Variants in PVT1 observed in about 807,000 individuals in gnomAD.
The protein encoded by PVT1 is Pvt1 oncogene, also known as CXCR4/PVT1 fusion.
chr8:127,823,535 A>G (rs1327371314), intron 2 of PVT1, among the ~76,000 whole-genome samples: 1 of 152,212 alleles, frequency 6.6e-6, no homozygotes, highest in Non-Finnish European at 1.5e-5. Flanking sequence ...AATCAGGGAC[A>G]GGTCAGTACC....
intron 4 of PVT1, among the ~76,000 whole-genome samples, chr8:128,054,604 G>T (rs1295751584): frequency 6.6e-6 from 1 of 152,188 alleles, no homozygotes; most frequent in Non-Finnish European, 1.5e-5. Context: ...TGTCTTCTGG[G>T]CTCATTCCTT....
At chr8:127,962,167 A>G (rs1423270856) in intron 3 of PVT1, among the ~76,000 whole-genome samples, 2 of 152,134 alleles carry the variant, frequency 1.3e-5, no homozygotes, top group African/African-American at 4.8e-5. Flanking sequence ...GGGTTTCACC[A>G]TGTTGGCCAG....
intron 3 of PVT1, among the ~76,000 whole-genome samples, chr8:127,978,712 G>A (rs564112793): frequency 1.3e-5 from 2 of 152,086 alleles, no homozygotes; most frequent in South Asian, 2.1e-4. Context: ...TCTAGAACTC[G>A]TGAAAACAGG....
chr8:128,081,309 T>C (rs950193490), intron 5 of PVT1, among the ~76,000 whole-genome samples: 1 of 152,244 alleles, frequency 6.6e-6, no homozygotes, highest in African/African-American at 2.4e-5. Flanking sequence ...GACATCTTAG[T>C]TGCTTCCAAT....
intron 4 of PVT1, among the ~76,000 whole-genome samples, chr8:128,034,578 T>C (rs1360047151): frequency 1.3e-5 from 2 of 152,246 alleles, no homozygotes; most frequent in East Asian, 1.9e-4. Flanking sequence ...CACTACAGGG[T>C]CAAACACAGC....
At chr8:128,085,606 G>A (rs796815712) in intron 5 of PVT1, among the ~76,000 whole-genome samples, 10 of 152,154 alleles carry the variant, frequency 6.6e-5, no homozygotes, top group South Asian at 2.1e-4. Flanking sequence ...AACCTAGCAC[G>A]CTTCTCCACA....
intron 2 of PVT1, among the ~76,000 whole-genome samples, chr8:127,831,113 G>A (rs957812519): frequency 4.0e-5 from 6 of 149,314 alleles, no homozygotes; most frequent in African/African-American, 1.5e-4. Flanking sequence ...GTGTGTGTGT[G>A]TATGTATATA....
At chr8:127,979,059 C>T (rs1816855757) in intron 3 of PVT1, among the ~76,000 whole-genome samples, 1 of 152,236 alleles carries the variant, frequency 6.6e-6, no homozygotes. Flanking sequence ...ACAAATGACA[C>T]AATTTAACCT....
intron 3 of PVT1, among the ~76,000 whole-genome samples, chr8:127,922,847 G>A (rs1423228938): frequency 2.0e-5 from 3 of 152,174 alleles, no homozygotes; most frequent in Admixed American, 1.3e-4. Flanking sequence ...ACCTCTTACC[G>A]GATGCAGCTG....
chr8:127,932,790 A>G (rs1282226009), intron 3 of PVT1: 1 of 299,870 alleles, frequency 3.3e-6, no homozygotes, highest in Non-Finnish European at 6.1e-6. Flanking sequence ...CTCTGACTGT[A>G]CATACATACA....
At chr8:127,903,177 C>T (rs1190801632) in intron 3 of PVT1, among the ~76,000 whole-genome samples, 1 of 152,140 alleles carries the variant, frequency 6.6e-6, no homozygotes, top group Non-Finnish European at 1.5e-5. Flanking sequence ...TGAATTTTTC[C>T]AATGACTAGT....
chr8:127,984,831 CTT>C (rs891560914), intron 3 of PVT1, among the ~76,000 whole-genome samples: 4 of 123,976 alleles, frequency 3.2e-5, no homozygotes, highest in Non-Finnish European at 7.2e-5. Flanking sequence ...TGGTTTCTTT[CTT>C]TTCTTTTCTT....
intron 3 of PVT1, among the ~76,000 whole-genome samples, chr8:127,962,910 G>A (rs1285158927): frequency 1.3e-5 from 2 of 152,120 alleles, no homozygotes; most frequent in Non-Finnish European, 2.9e-5. Flanking sequence ...CTGCATTTTA[G>A]GGTCCCTGTT....
chr8:127,862,385 AAGAC>A (rs1266847241), intron 2 of PVT1, among the ~76,000 whole-genome samples: 2 of 152,012 alleles, frequency 1.3e-5, no homozygotes, highest in Admixed American at 1.3e-4. Context: ...TCCAGCCTGA[AAGAC>A]AGAGTGAGAC....
chr8:127,864,784 G>A (rs1337141038), intron 2 of PVT1, among the ~76,000 whole-genome samples: 2 of 152,200 alleles, frequency 1.3e-5, no homozygotes, highest in Non-Finnish European at 1.5e-5. Flanking sequence ...TCCTGACCTC[G>A]TGATCCGCCC....
At chr8:127,823,843 A>G (rs1814759037) in intron 2 of PVT1, among the ~76,000 whole-genome samples, 1 of 152,358 alleles carries the variant, frequency 6.6e-6, no homozygotes, top group East Asian at 1.9e-4. Flanking sequence ...GGCTTTGATC[A>G]CATGTCCTTT....
chr8:127,964,702 A>T (rs921764850), intron 3 of PVT1, among the ~76,000 whole-genome samples: 3 of 152,106 alleles, frequency 2.0e-5, no homozygotes, highest in African/African-American at 4.8e-5. Context: ...TGGCAGAATC[A>T]TTCCAATCTC....
intron 3 of PVT1, among the ~76,000 whole-genome samples, chr8:127,968,623 A>C (rs926470926): frequency 5.3e-5 from 8 of 152,188 alleles, no homozygotes; most frequent in African/African-American, 1.9e-4. Flanking sequence ...TAAAAGGGTT[A>C]GTACAGTGGG....
At chr8:128,098,827 C>T (rs2130179273) in intron 6 of PVT1, among the ~76,000 whole-genome samples, 1 of 152,268 alleles carries the variant, frequency 6.6e-6, no homozygotes, top group Middle Eastern at 3.4e-3. Context: ...GGCCTCGGGA[C>T]CCCCAGGGAT....
Sources: gnomAD v4.1 joint callset for allele counts (sites outside exome capture counted in the v4.1 genomes callset) on GRCh38, gnomAD v4.1.1 for gene constraint, MANE v1.5 for transcripts, NCBI Gene and HGNC (gene_info 2026-07-23, HGNC 2026-07-21) for gene names.